MON2: variants seen among roughly 807,000 people sequenced by gnomAD.
MON2 encodes the protein protein MON2 homolog.
In MON2, 84 loss-of-function variants were observed where a neutral mutation model predicts 208.6. The observed-to-expected ratio is 0.40, with a 90% confidence interval of 0.34 to 0.48. The LOEUF is 0.48. Ranked by LOEUF, MON2 falls within the 20% of genes least tolerant of loss-of-function variation. MON2 has a pLI of 0.59. For missense variants in MON2, 1,611 were observed against 2,015.4 expected (o/e 0.80, Z 3.84); for synonymous variants, 660 against 694.0 (o/e 0.95, Z 0.77).
chr12:62,519,451 T>G (rs977564000), intron 8 of MON2, among the ~76,000 whole-genome samples: 2 of 152,154 alleles, frequency 1.3e-5, no homozygotes, highest in Non-Finnish European at 2.9e-5. Context: ...TAAAAAATAT[T>G]TAGGAGCTTT....
Position 62,524,610 on chromosome 12 carries a change from C to T in MON2, c.1080C>T (p.His360=), listed in dbSNP as rs779976439. Residue 360 remains histidine (H), a synonymous_variant, in exon 9 of 35, where the codon CAC becomes CAT. Coordinates refer to ENST00000393630, the MANE Select transcript of MON2 (RefSeq NM_015026.3). ...GAGCTGTTGCGGTGGAATCAATACA[C>T]AGATTCTGTGTGCAGCCTCAACTAT... ...WLRAVAVESI[H]RFCVQPQLLR... 8 of 1,613,332 alleles carry T rather than the reference C, an allele frequency of 5.0e-6. No individual in the cohort carries two copies. Among genetic ancestry groups the T allele is most frequent in the Non-Finnish European group, 6.8e-6 (8 of 1,179,552 alleles).
chr12:62,520,037 G>C (rs986888927), intron 8 of MON2, among the ~76,000 whole-genome samples: 5 of 152,166 alleles, frequency 3.3e-5, no homozygotes, highest in African/African-American at 1.2e-4. Context: ...GGATGGTCTC[G>C]ATCTCCTGAC....
At chr12:62,511,719 G>A (rs1603823) in intron 8 of MON2, among the ~76,000 whole-genome samples, 99,054 of 152,124 alleles carry the variant, frequency 0.65, 32,252 homozygotes, top group Middle Eastern at 0.71. Context: ...TTTCCTGACT[G>A]TGATACTAAA....
chr12:62,535,564 A>G lies in MON2; in HGVS notation c.1755A>G (p.Glu585=). ...CCACTGAGAATATTTTAAAAGCTGA[A>G]CTGACTATGGCTGCTCTTTGTGGAA... ...EAATENILKA[E]LTMAALCGRL... is the part of the protein sequence containing the mutation. Residue 585 remains glutamate (E), a synonymous_variant, in exon 14 of 35, where the codon GAA becomes GAG. Coordinates refer to ENST00000393630, the MANE Select transcript of MON2 (RefSeq NM_015026.3). 1 of 1,611,174 alleles carries G rather than the reference A, an allele frequency of 6.2e-7. No individual in the cohort carries two copies. Among genetic ancestry groups the G allele is most frequent in the Non-Finnish European group, 8.5e-7 (1 of 1,178,966 alleles).
chr12:62,555,937 C>A, intron 24 of MON2, 57 bp from the exon 25 acceptor site: 1 of 1,273,128 alleles, frequency 7.9e-7, no homozygotes, highest in Non-Finnish European at 1.1e-6. Flanking sequence ...TGCTCCTATG[C>A]TATTACTTAA....
chr12:62,500,961 T>A (rs2070795659), intron 6 of MON2, 81 bp downstream of exon 6: 2 of 792,696 alleles, frequency 2.5e-6, no homozygotes, highest in Non-Finnish European at 3.9e-6. Context: ...TATGTCTAAT[T>A]TTTTTAATGT....
rs914886192 is a variant in MON2, at chr12:62,596,759, A to T, written c.*4010A>T. The T allele has an allele frequency of 3.3e-5, 5 of 152,232 alleles. No individual in the cohort carries two copies. Among genetic ancestry groups the T allele is most frequent in the Non-Finnish European group, 5.9e-5 (4 of 68,036 alleles). The allele number at this position is 152,232 out of a possible 1,614,324, so 9.4% of individuals were successfully genotyped here. ...AAGTTTTTGTATCTCTGGAAAGTAG[A>T]ATAGTGCTTTCATTTGAATGAAAAG... is the stretch of plus-strand genomic sequence containing the variant. On this transcript the variant is annotated 3_prime_UTR_variant, in exon 35 of 35. Transcript: ENST00000393630.
chr12:62,575,927 T>TA (rs1313406565), intron 30 of MON2, among the ~76,000 whole-genome samples: 1 of 152,130 alleles, frequency 6.6e-6, no homozygotes, highest in Non-Finnish European at 1.5e-5. Flanking sequence ...GACCTTACAT[T>TA]AAAAATCACA....
intron 19 of MON2, among the ~76,000 whole-genome samples, chr12:62,542,208 A>G (rs2073272675): frequency 6.6e-6 from 1 of 152,124 alleles, no homozygotes; most frequent in Non-Finnish European, 1.5e-5. Flanking sequence ...TAAAACCCCA[A>G]TATACTTGGT....
chr12:62,543,441 A>G (rs1290487048), intron 20 of MON2, among the ~76,000 whole-genome samples: 1 of 152,168 alleles, frequency 6.6e-6, no homozygotes, highest in African/African-American at 2.4e-5. Flanking sequence ...AATATCAGTG[A>G]AGTCAGCTGT....
Position 62,545,013 on chromosome 12 carries a change from TA to T in MON2, c.2577+10del. The T allele has an allele frequency of 3.9e-6, 6 of 1,533,342 alleles. No individual in the cohort carries two copies. The highest frequency in any genetic ancestry group is 1.2e-5 in the South Asian group (1 of 81,940). The allele number at this position is 1,533,342 out of a possible 1,614,324, so 95.0% of individuals were successfully genotyped here. A position where few individuals can be genotyped will look rare whatever the true frequency, so the allele number is the denominator to read the frequency against. ...CCTCCACTCTCACAAAACCAGGTAATAAAAACCTTACTTTTTAAAAAGAATA... is the reference window on the plus strand; with the variant it reads ...CCTCCACTCTCACAAAACCAGGTAATAAAACCTTACTTTTTAAAAAGAATA... On this transcript the variant is annotated splice_donor_region_variant and intron_variant, in intron 21 of 34. Transcript: ENST00000393630.
intron 2 of MON2, among the ~76,000 whole-genome samples, chr12:62,488,183 A>G (rs1454909526): frequency 2.6e-5 from 4 of 152,148 alleles, no homozygotes; most frequent in African/African-American, 9.7e-5. Flanking sequence ...CAGATAACAG[A>G]AAAATGAAGG....
intron 6 of MON2, among the ~76,000 whole-genome samples, chr12:62,501,145 A>G (rs181140883): frequency 1.1e-4 from 17 of 152,304 alleles, no homozygotes; most frequent in Admixed American, 9.2e-4. Flanking sequence ...TACAAAAAAA[A>G]GTTTCTTTAA....
Position 62,532,384 on chromosome 12 carries a change from G to A in MON2, c.1401-54G>A, listed in dbSNP as rs2072695716. 4 of 1,241,744 alleles carry A rather than the reference G, an allele frequency of 3.2e-6. No homozygotes were observed. In the South Asian group the frequency reaches 3.7e-5, roughly 12 times the overall value. The allele number at this position is 1,241,744 out of a possible 1,614,324, so 76.9% of individuals were successfully genotyped here. On this transcript the variant is annotated intron_variant, in intron 11 of 34. Coordinates refer to ENST00000393630, the MANE Select transcript of MON2 (RefSeq NM_015026.3). ...TGTAAATTGTAGAAAATAGTTTTAT[G>A]TATTTTTTTTGTTGTGGCTTCTCAT...
intron 33 of MON2, chr12:62,587,847 T>C (rs2075268312): frequency 3.0e-6 from 1 of 337,466 alleles, no homozygotes; most frequent in Non-Finnish European, 5.3e-6. Context: ...TCTTTATTAA[T>C]TGATAAGTCA....
intron 1 of MON2, among the ~76,000 whole-genome samples, chr12:62,483,617 G>A (rs2069579852): frequency 6.6e-6 from 1 of 152,228 alleles, no homozygotes; most frequent in South Asian, 2.1e-4. Context: ...TTGGGAGGCT[G>A]AGGCAGGAGA....
rs749555936 is a variant in MON2 at position 62,508,426 on chromosome 12, C to T, written c.930C>T (p.Cys310=). 8 of 1,613,972 alleles carry T rather than the reference C, an allele frequency of 5.0e-6. No homozygotes were observed. Among genetic ancestry groups the T allele is most frequent in the South Asian group, 2.2e-5 (2 of 91,078 alleles). ...TTGAAAAACCATATTTTCCTATCTGCATGCGTTTGCTGAGAGTAGTATCTG... is the reference window on the plus strand; with the variant it reads ...TTGAAAAACCATATTTTCCTATCTGTATGCGTTTGCTGAGAGTAGTATCTG... ...APVEKPYFPI[C]MRLLRVVSVL... is the part of the protein sequence containing the mutation. The change falls in exon 8 of 35, where the codon TGC becomes TGT. Residue 310 remains cysteine (C), a synonymous_variant. Transcript: ENST00000393630.
At chr12:62,568,905 A>G (rs1301499783) in intron 29 of MON2, among the ~76,000 whole-genome samples, 1 of 152,100 alleles carries the variant, frequency 6.6e-6, no homozygotes, top group Non-Finnish European at 1.5e-5. Context: ...CGCTCACCTC[A>G]GCCTCCCAAA....
intron 5 of MON2, 151 bp from the exon 6 acceptor site, chr12:62,500,632 G>A: frequency 2.1e-6 from 1 of 467,736 alleles, no homozygotes; most frequent in East Asian, 3.9e-5. Flanking sequence ...TTGTTTTGGA[G>A]GCATATGTTA....
Sources: gnomAD v4.1 joint callset for allele counts (sites outside exome capture counted in the v4.1 genomes callset) on GRCh38, gnomAD v4.1.1 for gene constraint, MANE v1.5 for transcripts, NCBI Gene and HGNC (gene_info 2026-07-23, HGNC 2026-07-21) for gene names.